Variants in PTPN22 observed in about 807,000 individuals in gnomAD.
PTPN22 encodes the protein protein tyrosine phosphatase non-receptor type 22, also known as tyrosine-protein phosphatase non-receptor type 22.
In PTPN22, 85 loss-of-function variants were observed where a neutral mutation model predicts 103.3. The observed-to-expected ratio is 0.82, with a 90% CI of 0.69 to 0.99. PTPN22 has a LOEUF of 0.99. PTPN22 is among the 50% of genes least tolerant of loss of function. The pLI is 0.00. For synonymous variants in PTPN22, 323 were observed against 310.2 expected, an observed-to-expected ratio of 1.04 and a Z score of -0.43; for missense variants, 865 against 936.9, an observed-to-expected ratio of 0.92 and a Z score of 1.00.
At chr1:113,871,698 C>G in exon 1 of PTPN22, 1 of 1,337,366 alleles carries the variant, frequency 7.5e-7, no homozygotes, top group African/African-American at 1.4e-5. Flanking sequence ...GCCGAGACAC[C>G]TCCAAAAAGC....
At position 113,854,438 on chromosome 1, in the gene PTPN22, G is replaced by T. The variant is rs1193264043; in HGVS notation, c.750+33C>A. ...ACTAAGTATGAAAGCAGTAGACTAA[G>T]CAAATGGGAAGTGCCTGCTGAGAGA... is the stretch of plus-strand genomic sequence containing the variant. On this transcript the variant is annotated intron_variant, in intron 9 of 20. Transcript: ENST00000359785. 1.9e-6 allele frequency: 3 copies of T among 1,570,534 alleles called. No homozygotes were observed. The East Asian group carries it at 6.7e-5, about 35-fold the overall frequency.
At position 113,857,729 on chromosome 1, in the gene PTPN22, G is replaced by C; in HGVS notation, c.408+9C>G. 1 of 1,610,304 alleles carries C rather than the reference G, an allele frequency of 6.2e-7. No homozygotes were observed. The highest frequency in any genetic ancestry group is 8.5e-7 in the Non-Finnish European group (1 of 1,177,436). On this transcript the variant is annotated intron_variant, in intron 5 of 20. Transcript: ENST00000359785. ...TTTTAAGGTCAGCAGGTACTAGAAA[G>C]TAACTTACCTTTCCCATTTCATACT...
chr1:113,856,607 G>T, exon 6 of PTPN22: 1 of 1,613,970 alleles, frequency 6.2e-7, no homozygotes, highest in Admixed American at 1.7e-5. Flanking sequence ...GCCCAGTAGC[G>T]CTCACACTTT....
At chr1:113,851,239 ACCTC>A (rs1238032866) in intron 10 of PTPN22, among the ~76,000 whole-genome samples, 2 of 145,198 alleles carry the variant, frequency 1.4e-5, no homozygotes, top group Non-Finnish European at 1.5e-5. Context: ...TGCAACCTCC[ACCTC>A]GCAGGCTCAA....
chr1:113,856,284 T>G, intron 7 of PTPN22, 98 bp downstream of exon 7: 1 of 1,413,042 alleles, frequency 7.1e-7, no homozygotes, highest in Admixed American at 2.9e-5. Context: ...ACCCTACCAC[T>G]TCCCATTGTC....
chr1:113,850,163 C>T (rs1419724321), intron 10 of PTPN22, among the ~76,000 whole-genome samples: 2 of 146,022 alleles, frequency 1.4e-5, no homozygotes, highest in Non-Finnish European at 3.0e-5. Flanking sequence ...CACCATTGCA[C>T]TCCAGCCTGA....
intron 10 of PTPN22, among the ~76,000 whole-genome samples, chr1:113,850,058 A>C (rs1192677046): frequency 6.6e-6 from 1 of 152,168 alleles, no homozygotes; most frequent in East Asian, 1.9e-4. Context: ...TTAGCTGGGC[A>C]TGGTGATGCG....
At chr1:113,826,961 GC>G (rs950541115) in intron 18 of PTPN22, among the ~76,000 whole-genome samples, 3 of 152,022 alleles carry the variant, frequency 2.0e-5, no homozygotes, top group African/African-American at 7.2e-5. Context: ...GAGCCACCGC[GC>G]CCGGCCTGGA....
At chr1:113,870,073 G>T (rs1449342757) in intron 1 of PTPN22, among the ~76,000 whole-genome samples, 4 of 152,118 alleles carry the variant, frequency 2.6e-5, no homozygotes, top group African/African-American at 9.7e-5. Flanking sequence ...AAAGGTTTTG[G>T]TTCTTTTTGT....
At chr1:113,853,774 C>T (rs1319313518) in intron 9 of PTPN22, among the ~76,000 whole-genome samples, 9 of 151,582 alleles carry the variant, frequency 5.9e-5, no homozygotes, top group African/African-American at 1.9e-4. Flanking sequence ...CTCCGCCTCC[C>T]GGGTTCAAGC....
Position 113,856,613 on chromosome 1 carries a change from A to T in PTPN22, c.415T>A (p.Cys139Ser). ...CCTGGCTCAGCCCAGTAGCGCTCAC[A>T]CTTTTTCTGTTGCACAAAGCAGAAT... The change falls in exon 6 of 21, where the codon TGT becomes AGT. Residue 139 changes from cysteine (C) to serine (S), a missense_variant. Cys to Ser is a moderately radical substitution (Grantham distance 112). Transcript: ENST00000359785. 5 of 1,614,096 alleles carry T rather than the reference A, an allele frequency of 3.1e-6. No homozygotes were observed. The South Asian group carries it at 3.3e-5, about 11-fold the overall frequency.
At chr1:113,815,739 C>T (rs1033701443) in intron 20 of PTPN22, among the ~76,000 whole-genome samples, 1 of 152,268 alleles carries the variant, frequency 6.6e-6, no homozygotes, top group African/African-American at 2.4e-5. Context: ...AGTGCAGTGG[C>T]GCGATCTCGG....
chr1:113,824,900 T>C (rs1237735474), intron 19 of PTPN22, among the ~76,000 whole-genome samples: 4 of 150,728 alleles, frequency 2.7e-5, no homozygotes, highest in African/African-American at 4.9e-5. Flanking sequence ...ATTATTATTC[T>C]TGTGTATTAA....
In PTPN22 at chr1:113,827,343, C is replaced by T. The variant is rs147188352; in HGVS notation, c.2251-2171G>A. ...ATCTACTACTCAGTTTCTAATGCTC[C>T]TCCTGTAGATAACCACTGTTAGTTT... On this transcript the variant is annotated intron_variant, in intron 18 of 20. Transcript: ENST00000359785. Among the ~76,000 whole-genome samples, 352 of 152,244 alleles carry T rather than the reference C, an allele frequency of 2.3e-3. 1 individual carries two copies. Among genetic ancestry groups the T allele is most frequent in the African/African-American group, 8.0e-3 (334 of 41,534 alleles).
At chr1:113,837,719 C>T in exon 13 of PTPN22, 1 of 1,610,230 alleles carries the variant, frequency 6.2e-7, no homozygotes, top group East Asian at 2.2e-5. Flanking sequence ...GAAGGAAAAA[C>T]AGTTCCATCT....
At chr1:113,841,141 T>C (rs969959762) in intron 11 of PTPN22, among the ~76,000 whole-genome samples, 7 of 151,980 alleles carry the variant, frequency 4.6e-5, no homozygotes, top group Non-Finnish European at 8.8e-5. Flanking sequence ...GGAGAATCAC[T>C]TGAACCAGGG....
At chr1:113,847,664 C>T (rs149230554) in intron 11 of PTPN22, among the ~76,000 whole-genome samples, 4 of 151,614 alleles carry the variant, frequency 2.6e-5, no homozygotes, top group Admixed American at 1.3e-4. Flanking sequence ...CTGCAACCTC[C>T]GCCTCCTGGG....
chr1:113,856,060 C>T (rs1665035915), intron 7 of PTPN22, among the ~76,000 whole-genome samples: 1 of 152,200 alleles, frequency 6.6e-6, no homozygotes, highest in Non-Finnish European at 1.5e-5. Flanking sequence ...GTCACCCAGG[C>T]TGCAGTACAG....
chr1:113,823,028 C>A (rs928433756), intron 19 of PTPN22: 1 of 152,178 alleles, frequency 6.6e-6, no homozygotes, highest in Non-Finnish European at 1.5e-5. Flanking sequence ...CTCATAGTTA[C>A]CCTTTTGTTT....
Sources: gnomAD v4.1 joint callset for allele counts (sites outside exome capture counted in the v4.1 genomes callset) on GRCh38, gnomAD v4.1.1 for gene constraint, MANE v1.5 for transcripts, NCBI Gene and HGNC (gene_info 2026-07-23, HGNC 2026-07-21) for gene names.